LYPD6B: variants seen among roughly 807,000 people sequenced by gnomAD.
The protein encoded by LYPD6B is ly6/PLAUR domain-containing protein 6B.
A neutral mutation model predicts 22.8 loss-of-function variants in LYPD6B; 17 were observed. The ratio of observed to expected loss-of-function variants is 0.75; its 90% CI spans 0.51 to 1.12. LYPD6B has a LOEUF of 1.12. LYPD6B is among the 50% of genes most tolerant of loss of function. LYPD6B has a pLI of 0.00. For synonymous variants in LYPD6B, 106 were observed against 91.6 expected (o/e 1.16, Z -0.90); for missense variants, 221 against 258.3 (o/e 0.86, Z 0.99).
At chr2:149,196,027 C>A (rs1692785333) in intron 3 of LYPD6B, among the ~76,000 whole-genome samples, 1 of 152,174 alleles carries the variant, frequency 6.6e-6, no homozygotes, top group South Asian at 2.1e-4. Context: ...CTTGTGGGAC[C>A]ATGAACCGTA....
intron 3 of LYPD6B, among the ~76,000 whole-genome samples, chr2:149,192,093 TATC>T (rs34111434): frequency 0.3 from 45,391 of 151,858 alleles, 8,519 homozygotes; most frequent in East Asian, 0.55. Context: ...AGGGCTATGC[TATC>T]ATCCTGCTCC....
At chr2:149,041,233 T>A (rs1304126190) in intron 1 of LYPD6B, among the ~76,000 whole-genome samples, 1 of 152,154 alleles carries the variant, frequency 6.6e-6, no homozygotes, top group East Asian at 1.9e-4. Context: ...TTAGAACATC[T>A]GAAGGTAGGT....
intron 1 of LYPD6B, among the ~76,000 whole-genome samples, chr2:149,080,733 TAGGGAGACTGAGAC>T (rs1685084146): frequency 6.7e-6 from 1 of 148,478 alleles, no homozygotes. Context: ...TACCAGCTAC[TAGGGAGACTGAGAC>T]AGGAGAATGG....
chr2:149,127,313 T>C (rs192977035), intron 1 of LYPD6B, among the ~76,000 whole-genome samples: 9 of 152,312 alleles, frequency 5.9e-5, no homozygotes, highest in African/African-American at 2.2e-4. Context: ...AATTTAACAG[T>C]ATCGAGGGCT....
Position 149,099,298 on chromosome 2 carries a change from T to C in LYPD6B, c.-66-31585T>C, listed in dbSNP as rs1686076242. 3.9e-5 allele frequency among the ~76,000 whole-genome samples: 6 copies of C among 152,292 alleles called. 1 individual carries two copies. The South Asian group carries it at 1.0e-3, about 26-fold the overall frequency. On this transcript the variant is annotated intron_variant, in intron 1 of 6. Transcript: ENST00000409642. ...AGATTTTACTGAGCATCCTATATTT[T>C]TATTTGCTAAACTAGCAACTCAGAG... is the stretch of plus-strand genomic sequence containing the variant.
rs538453307 is a variant in LYPD6B at position 149,156,609 on chromosome 2, A to G, written c.6-4155A>G. Among the ~76,000 whole-genome samples the G allele has an allele frequency of 9.2e-5, 14 of 152,160 alleles. No individual in the cohort carries two copies. In the East Asian group the frequency reaches 2.5e-3, roughly 27 times the overall value. On this transcript the variant is annotated intron_variant, in intron 2 of 6. Coordinates refer to ENST00000409642, the MANE Select transcript of LYPD6B (RefSeq NM_177964.5). Reference sequence around the variant, plus strand: ...TCCCTGTGTCTTCCTATTTTCTTCCATCTGTATGTACGTGTCCCGATTTCT... The same window carrying G: ...TCCCTGTGTCTTCCTATTTTCTTCCGTCTGTATGTACGTGTCCCGATTTCT...
chr2:149,102,829 G>T (rs1212547794), intron 1 of LYPD6B, among the ~76,000 whole-genome samples: 1 of 152,014 alleles, frequency 6.6e-6, no homozygotes, highest in African/African-American at 2.4e-5. Context: ...ACAGGGTTTT[G>T]CCATGTTGGC....
At chr2:149,125,097 G>A (rs188040928) in intron 1 of LYPD6B, among the ~76,000 whole-genome samples, 3 of 152,322 alleles carry the variant, frequency 2.0e-5, no homozygotes, top group African/African-American at 7.2e-5. Flanking sequence ...GGTTCTCCCA[G>A]TCAAACAGAA....
intron 1 of LYPD6B, among the ~76,000 whole-genome samples, chr2:149,098,850 C>A (rs1686051050): frequency 6.6e-6 from 1 of 150,976 alleles, no homozygotes; most frequent in Non-Finnish European, 1.5e-5. Context: ...ACTGCCACAT[C>A]CTGCACTTTT....
intron 1 of LYPD6B, among the ~76,000 whole-genome samples, chr2:149,070,399 T>G (rs549446124): frequency 4.6e-4 from 70 of 152,204 alleles, no homozygotes; most frequent in Non-Finnish European, 8.2e-4. Context: ...TTAATTTTTC[T>G]TCTCTTTAGC....
At position 149,121,472 on chromosome 2, in the gene LYPD6B, C is replaced by T. The variant is rs374298212; in HGVS notation, c.-66-9411C>T. ...GACCAAATCTGATGATTGTTGCAGT[C>T]CCAGCAGAACACAGAATTCACCCCA... is the stretch of plus-strand genomic sequence containing the variant. On this transcript the variant is annotated intron_variant, in intron 1 of 6. Coordinates refer to ENST00000409642, the MANE Select transcript of LYPD6B (RefSeq NM_177964.5). Among the ~76,000 whole-genome samples the T allele has an allele frequency of 1.2e-3, 177 of 152,298 alleles. 1 individual carries two copies. In the Middle Eastern group the frequency reaches 0.014, roughly 12 times the overall value.
At chr2:149,050,006 G>A (rs188921440) in intron 1 of LYPD6B, among the ~76,000 whole-genome samples, 25 of 152,258 alleles carry the variant, frequency 1.6e-4, no homozygotes, top group Admixed American at 1.2e-3. Context: ...TATAGCAGAG[G>A]ATAGGCAAAG....
At position 149,113,267 on chromosome 2, in the gene LYPD6B, C is replaced by T. The variant is rs145147505; in HGVS notation, c.-66-17616C>T. Among the ~76,000 whole-genome samples, 370 of 151,986 alleles carry T rather than the reference C, an allele frequency of 2.4e-3. 1 individual carries two copies. Among genetic ancestry groups the T allele is most frequent in the African/African-American group, 8.6e-3 (355 of 41,436 alleles). On this transcript the variant is annotated intron_variant, in intron 1 of 6. Coordinates refer to ENST00000409642, the MANE Select transcript of LYPD6B (RefSeq NM_177964.5). ...AGTTCCCTTTCACTTTCAGAGGTGT[C>T]CTAGTTTGGAGGTTGAAGTATGTGA...
chr2:149,039,489 A>G (rs180974470), intron 1 of LYPD6B, among the ~76,000 whole-genome samples: 13 of 152,334 alleles, frequency 8.5e-5, no homozygotes, highest in Non-Finnish European at 1.9e-4. Flanking sequence ...CCAGGGGATC[A>G]GAGAGTGGGA....
intron 1 of LYPD6B, among the ~76,000 whole-genome samples, chr2:149,116,139 A>G (rs1484976363): frequency 1.3e-5 from 2 of 152,254 alleles, no homozygotes; most frequent in East Asian, 3.8e-4. Context: ...ACAATAAGAT[A>G]TTTTGAGAGA....
intron 3 of LYPD6B, among the ~76,000 whole-genome samples, chr2:149,170,991 G>A (rs1690775897): frequency 2.0e-5 from 3 of 152,138 alleles, no homozygotes; most frequent in Admixed American, 1.3e-4. Context: ...TTATAAGCAG[G>A]CATGTATGAA....
intron 1 of LYPD6B, among the ~76,000 whole-genome samples, chr2:149,079,843 T>C (rs1685044403): frequency 2.0e-5 from 3 of 152,140 alleles, no homozygotes; most frequent in Admixed American, 2.0e-4. Context: ...TTAGCAGACC[T>C]CCGGAAAAGG....
intron 1 of LYPD6B, among the ~76,000 whole-genome samples, chr2:149,059,910 T>A (rs1683996129): frequency 6.6e-6 from 1 of 152,028 alleles, no homozygotes; most frequent in African/African-American, 2.4e-5. Context: ...GAAGGTGACC[T>A]AAAGGTGGTT....
chr2:149,109,675 C>T (rs946933916), intron 1 of LYPD6B, among the ~76,000 whole-genome samples: 1 of 151,926 alleles, frequency 6.6e-6, no homozygotes, highest in Non-Finnish European at 1.5e-5. Context: ...TAAAGTTGTC[C>T]TTCAGTTCAC....
Sources: allele counts gnomAD v4.1 joint callset (sites outside exome capture counted in the v4.1 genomes callset), GRCh38; gene constraint gnomAD v4.1.1; transcripts MANE v1.5; gene names NCBI Gene and HGNC (gene_info 2026-07-23, HGNC 2026-07-21).